Variants in LRBA observed in about 807,000 individuals in gnomAD.
LRBA encodes LPS responsive beige-like anchor protein.
Under a neutral mutation model 330.0 loss-of-function variants are expected in LRBA, and 176 were observed. The ratio of observed to expected loss-of-function variants is 0.53; its 90% confidence interval spans 0.47 to 0.60. The LOEUF is 0.60. Among genes scored for constraint, LRBA ranks in the 20% least tolerant of loss-of-function variants. The probability of loss-of-function intolerance (pLI) is 0.00; values close to 1 mark genes in which losing one functional copy is unlikely to be tolerated. For missense variants in LRBA, 3,259 were observed against 3,444.8 expected (o/e 0.95, Z 1.35); for synonymous variants, 1,230 against 1,193.0 (o/e 1.03, Z -0.64).
intron 47 of LRBA, among the ~76,000 whole-genome samples, chr4:150,408,243 GATA>G (rs1250624028): frequency 3.9e-5 from 6 of 151,924 alleles, no homozygotes; most frequent in East Asian, 3.9e-4. Context: ...AAATTAAAAT[GATA>G]ATAAGTCATA....
intron 36 of LRBA, among the ~76,000 whole-genome samples, chr4:150,735,032 C>T (rs1398412896): frequency 6.6e-6 from 1 of 152,138 alleles, no homozygotes; most frequent in Non-Finnish European, 1.5e-5. Flanking sequence ...AAACAAGAAG[C>T]TTCTCTGATC....
At chr4:150,293,691 C>T (rs17026803) in intron 53 of LRBA, among the ~76,000 whole-genome samples, 1,566 of 152,254 alleles carry the variant, frequency 0.01, 18 homozygotes, top group African/African-American at 0.036. Context: ...GTTGGTAACA[C>T]GGGAATCACC....
chr4:150,952,249 T>C (rs1215747727), intron 2 of LRBA, among the ~76,000 whole-genome samples: 1 of 146,778 alleles, frequency 6.8e-6, no homozygotes, highest in Admixed American at 6.7e-5. Context: ...AATAACCTGT[T>C]GTATATGTGT....
intron 37 of LRBA, among the ~76,000 whole-genome samples, chr4:150,675,167 T>A (rs896125370): frequency 7.2e-5 from 11 of 152,072 alleles, no homozygotes; most frequent in African/African-American, 1.9e-4. Flanking sequence ...CACTCCAGTC[T>A]GGGTGGCAGA....
intron 46 of LRBA, among the ~76,000 whole-genome samples, chr4:150,419,940 G>A (rs2151960578): frequency 6.7e-6 from 1 of 149,516 alleles, no homozygotes; most frequent in East Asian, 2.0e-4. Flanking sequence ...GCCCAGCCAT[G>A]ATAATATATG....
At chr4:150,288,014 C>G (rs186600617) in intron 53 of LRBA, among the ~76,000 whole-genome samples, 1 of 147,008 alleles carries the variant, frequency 6.8e-6, no homozygotes, top group Non-Finnish European at 1.5e-5. Flanking sequence ...TTTTCTGAGA[C>G]GGAGTCTCAC....
At chr4:150,436,079 A>G (rs147270410) in intron 45 of LRBA, among the ~76,000 whole-genome samples, 3 of 152,246 alleles carry the variant, frequency 2.0e-5, no homozygotes, top group African/African-American at 7.2e-5. Flanking sequence ...ATGATTAAGA[A>G]AAGAAAAATG....
intron 50 of LRBA, among the ~76,000 whole-genome samples, chr4:150,318,790 C>T (rs889900492): frequency 6.6e-6 from 1 of 152,052 alleles, no homozygotes; most frequent in Non-Finnish European, 1.5e-5. Flanking sequence ...AGACAAACAT[C>T]TCTAATGACA....
At chr4:150,315,977 T>A (rs1731671687) in intron 50 of LRBA, among the ~76,000 whole-genome samples, 1 of 152,164 alleles carries the variant, frequency 6.6e-6, no homozygotes. Flanking sequence ...AAATACTATT[T>A]TTTTGTTACT....
chr4:150,547,201 A>G (rs868456960), intron 40 of LRBA, among the ~76,000 whole-genome samples: 2 of 152,130 alleles, frequency 1.3e-5, no homozygotes, highest in Non-Finnish European at 2.9e-5. Flanking sequence ...ACTCATTGGT[A>G]TTAGGTTATT....
At chr4:150,700,626 G>A (rs80075979) in intron 36 of LRBA, among the ~76,000 whole-genome samples, 4,045 of 152,228 alleles carry the variant, frequency 0.027, 166 homozygotes, top group African/African-American at 0.092. Flanking sequence ...CTTGCTCACT[G>A]TAACATTTTT....
intron 40 of LRBA, among the ~76,000 whole-genome samples, chr4:150,529,989 A>T (rs1490045749): frequency 6.6e-6 from 1 of 152,196 alleles, no homozygotes; most frequent in African/African-American, 2.4e-5. Flanking sequence ...TAATCCTTGC[A>T]TTCCAAAATG....
In LRBA at chr4:150,819,603, G is replaced by A. The variant is rs139921047; in HGVS notation, c.5172-2346C>T. Among the ~76,000 whole-genome samples the A allele has an allele frequency of 2.0e-3, 298 of 152,148 alleles. 1 individual carries two copies. Among genetic ancestry groups the A allele is most frequent in the Middle Eastern group, 6.8e-3 (2 of 294 alleles). ...TTGAATCTCAGTGATGGGTCTACAGGTGTTCACTGTGCAATTCTTTCAACT... is the reference window on the plus strand; with the variant it reads ...TTGAATCTCAGTGATGGGTCTACAGATGTTCACTGTGCAATTCTTTCAACT... On this transcript the variant is annotated intron_variant, in intron 30 of 56. Transcript: ENST00000651943.
At chr4:150,454,939 ATT>A (rs139935647) in intron 44 of LRBA, among the ~76,000 whole-genome samples, 1 of 148,492 alleles carries the variant, frequency 6.7e-6, no homozygotes, top group African/African-American at 2.5e-5. Flanking sequence ...AGTGTTTTTT[ATT>A]TTTTTTTATT....
intron 26 of LRBA, among the ~76,000 whole-genome samples, chr4:150,847,103 G>A (rs1304277606): frequency 6.6e-6 from 1 of 152,094 alleles, no homozygotes; most frequent in Admixed American, 6.6e-5. Flanking sequence ...AGAAAGAGTA[G>A]GAGCACTAGT....
At chr4:150,282,834 T>C (rs1345091130) in intron 54 of LRBA, among the ~76,000 whole-genome samples, 188 bp from the exon 55 acceptor site, 1 of 152,226 alleles carries the variant, frequency 6.6e-6, no homozygotes, top group African/African-American at 2.4e-5. Context: ...GATCTCACCT[T>C]CCACTCAGGA....
At chr4:150,845,476 A>G (rs746058299) in intron 26 of LRBA, among the ~76,000 whole-genome samples, 2 of 152,236 alleles carry the variant, frequency 1.3e-5, no homozygotes, top group African/African-American at 2.4e-5. Flanking sequence ...TGGATTTTAA[A>G]TGATGAATTA....
intron 40 of LRBA, among the ~76,000 whole-genome samples, chr4:150,505,730 C>T (rs1277395186): frequency 6.6e-6 from 1 of 152,068 alleles, no homozygotes; most frequent in Non-Finnish European, 1.5e-5. Flanking sequence ...TAACTAAGAT[C>T]AGAGCAGAAC....
intron 37 of LRBA, among the ~76,000 whole-genome samples, chr4:150,641,278 C>T (rs536149480): frequency 3.6e-4 from 55 of 152,214 alleles, no homozygotes; most frequent in African/African-American, 1.3e-3. Context: ...TATTCCCTAA[C>T]AATTTTTATC....
Sources: allele counts gnomAD v4.1 joint callset (sites outside exome capture counted in the v4.1 genomes callset), GRCh38; gene constraint gnomAD v4.1.1; transcripts MANE v1.5; gene names NCBI Gene and HGNC (gene_info 2026-07-23, HGNC 2026-07-21).